IQCM: variants seen among roughly 807,000 people sequenced by gnomAD.
The protein encoded by IQCM is IQ domain-containing protein M.
In IQCM, 45 loss-of-function variants were observed where a neutral mutation model predicts 57.6. The observed-to-expected ratio is 0.78, with a 90% CI of 0.62 to 1.00. The LOEUF is 1.00. Ranked by LOEUF, IQCM falls within the 50% of genes least tolerant of loss-of-function variation. The pLI is 0.00. For synonymous variants in IQCM, 148 were observed against 158.9 expected, an observed-to-expected ratio of 0.93 and a Z score of 0.51; for missense variants, 468 against 511.6, an observed-to-expected ratio of 0.91 and a Z score of 0.82.
intron 5 of IQCM, among the ~76,000 whole-genome samples, chr4:149,725,971 C>T (rs192687675): frequency 6.6e-6 from 1 of 152,050 alleles, no homozygotes; most frequent in Non-Finnish European, 1.5e-5. Flanking sequence ...CAACGAATAG[C>T]TATTCCTTTA....
intron 3 of IQCM, among the ~76,000 whole-genome samples, chr4:149,740,967 A>C (rs1333810105): frequency 2.0e-5 from 3 of 152,160 alleles, no homozygotes; most frequent in Non-Finnish European, 4.4e-5. Context: ...GGAGCTGGAA[A>C]GTAAATAGAA....
At chr4:149,774,767 A>C (rs1770922715) in intron 2 of IQCM, among the ~76,000 whole-genome samples, 1 of 150,422 alleles carries the variant, frequency 6.6e-6, no homozygotes, top group Non-Finnish European at 1.5e-5. Context: ...CTCTTCTTAA[A>C]ACCAAAAAAA....
chr4:149,608,040 T>C (rs192373117), intron 8 of IQCM, among the ~76,000 whole-genome samples: 100 of 151,774 alleles, frequency 6.6e-4, no homozygotes, highest in African/African-American at 2.3e-3. Context: ...TCACTTCACC[T>C]ATAGACACAC....
At chr4:149,568,770 C>G (rs940626523) in intron 9 of IQCM, among the ~76,000 whole-genome samples, 2 of 152,076 alleles carry the variant, frequency 1.3e-5, no homozygotes, top group Non-Finnish European at 2.9e-5. Context: ...AGAATGGGAC[C>G]CTATCTCAAA....
At chr4:149,803,363 C>A (rs1773785117) in intron 2 of IQCM, among the ~76,000 whole-genome samples, 1 of 152,000 alleles carries the variant, frequency 6.6e-6, no homozygotes, top group Non-Finnish European at 1.5e-5. Flanking sequence ...AGTTCTTACT[C>A]TGCTCCTTTT....
chr4:149,503,746 C>T (rs1451865234), intron 12 of IQCM, among the ~76,000 whole-genome samples: 1 of 151,832 alleles, frequency 6.6e-6, no homozygotes, highest in Non-Finnish European at 1.5e-5. Flanking sequence ...TGTATCAGCC[C>T]TTAAATGTTA....
intron 10 of IQCM, among the ~76,000 whole-genome samples, chr4:149,554,860 C>T (rs898522058): frequency 6.6e-6 from 1 of 151,002 alleles, no homozygotes; most frequent in East Asian, 2.0e-4. Flanking sequence ...CCACCACGCC[C>T]GGCTAATTTT....
At chr4:149,499,800 G>T (rs1743050685) in intron 12 of IQCM, among the ~76,000 whole-genome samples, 1 of 152,136 alleles carries the variant, frequency 6.6e-6, no homozygotes, top group African/African-American at 2.4e-5. Flanking sequence ...AGGAAACATA[G>T]ACTGACTAAA....
chr4:149,693,161 A>G (rs1206397696), intron 5 of IQCM, among the ~76,000 whole-genome samples: 1 of 152,056 alleles, frequency 6.6e-6, no homozygotes, highest in Non-Finnish European at 1.5e-5. Context: ...AATTTCATTC[A>G]CTTCTGACAA....
At chr4:149,701,387 G>T (rs1360144513) in intron 5 of IQCM, among the ~76,000 whole-genome samples, 1 of 152,030 alleles carries the variant, frequency 6.6e-6, no homozygotes, top group Non-Finnish European at 1.5e-5. Flanking sequence ...GTATCATTTT[G>T]TTCCTCACAG....
intron 7 of IQCM, among the ~76,000 whole-genome samples, chr4:149,647,361 TAC>T (rs1353125237): frequency 3.3e-5 from 5 of 152,204 alleles, no homozygotes; most frequent in African/African-American, 1.2e-4. Context: ...TATTCTAAAG[TAC>T]AGTTTTACTA....
chr4:149,757,185 G>A (rs1221255856), intron 2 of IQCM, among the ~76,000 whole-genome samples: 1 of 152,024 alleles, frequency 6.6e-6, no homozygotes, highest in Non-Finnish European at 1.5e-5. Context: ...ATGAACCCGG[G>A]AGGCAGAGCT....
intron 13 of IQCM, among the ~76,000 whole-genome samples, chr4:149,420,853 A>G (rs923017057): frequency 6.6e-6 from 1 of 152,082 alleles, no homozygotes; most frequent in Non-Finnish European, 1.5e-5. Context: ...GGCAAGGTGT[A>G]GTGAGGCACC....
rs534074852 is a variant in IQCM, at chr4:149,619,714, G to A, written c.681+1415C>T. Among the ~76,000 whole-genome samples, 74 of 152,256 alleles carry A rather than the reference G, an allele frequency of 4.9e-4. 1 individual carries two copies. The South Asian group carries it at 0.015, about 32-fold the overall frequency. ...GTCTAATGATGTTATGGACTAAATT[G>A]TGTCCCTTTGAAATTCATATGTAGA... On this transcript the variant is annotated intron_variant, in intron 8 of 13. Coordinates refer to ENST00000636793, the MANE Select transcript of IQCM (RefSeq NM_001363507.2).
intron 12 of IQCM, among the ~76,000 whole-genome samples, chr4:149,477,308 G>A (rs1293161346): frequency 6.6e-6 from 1 of 152,048 alleles, no homozygotes; most frequent in Admixed American, 6.6e-5. Flanking sequence ...GAGGACTGAC[G>A]CTCAGGCCTT....
At chr4:149,635,343 T>C (rs1438494219) in intron 7 of IQCM, among the ~76,000 whole-genome samples, 1 of 152,212 alleles carries the variant, frequency 6.6e-6, no homozygotes, top group Non-Finnish European at 1.5e-5. Flanking sequence ...TACTTGCTTA[T>C]TAGCTATCTT....
chr4:149,629,768 T>C (rs943232349), intron 7 of IQCM, among the ~76,000 whole-genome samples: 4 of 152,030 alleles, frequency 2.6e-5, no homozygotes, highest in Non-Finnish European at 5.9e-5. Context: ...AAAAGCAAGG[T>C]ATGGAGAAAG....
chr4:149,354,607 C>T (rs1156884926), intron 13 of IQCM, among the ~76,000 whole-genome samples: 1 of 151,744 alleles, frequency 6.6e-6, no homozygotes. Flanking sequence ...TATATTTCAT[C>T]AAGCAAGAGA....
chr4:149,440,827 T>C (rs950806473), intron 12 of IQCM, among the ~76,000 whole-genome samples: 1 of 152,144 alleles, frequency 6.6e-6, no homozygotes, highest in Non-Finnish European at 1.5e-5. Context: ...GACTTCGTTT[T>C]CCAGACTTAT....
Sources: allele counts gnomAD v4.1 joint callset (sites outside exome capture counted in the v4.1 genomes callset), GRCh38; gene constraint gnomAD v4.1.1; transcripts MANE v1.5; gene names NCBI Gene and HGNC (gene_info 2026-07-23, HGNC 2026-07-21).